Variants in PXDNL observed in about 807,000 individuals in gnomAD.
PXDNL encodes the protein peroxidasin like.
In PXDNL, 145 loss-of-function variants were observed where a neutral mutation model predicts 150.8. That is an observed-to-expected ratio of 0.96 (90% confidence interval 0.84 to 1.10). The LOEUF is 1.10. PXDNL is among the 50% of genes least tolerant of loss of function. The pLI, the probability that PXDNL is intolerant of heterozygous loss-of-function variation, is 0.00. For synonymous variants in PXDNL, 757 were observed against 725.7 expected, an observed-to-expected ratio of 1.04 and a Z score of -0.69; for missense variants, 2,087 against 1,873.9, an observed-to-expected ratio of 1.11 and a Z score of -2.10.
intron 2 of PXDNL, among the ~76,000 whole-genome samples, chr8:51,614,201 C>T (rs1814083224): frequency 6.6e-6 from 1 of 152,214 alleles, no homozygotes; most frequent in African/African-American, 2.4e-5. Context: ...AATTTATCTT[C>T]CATTACTCTA....
In PXDNL at chr8:51,341,019, T is replaced by C. The variant is rs1391812058; in HGVS notation, c.4017-1266A>G. On this transcript the variant is annotated intron_variant, in intron 20 of 22. Transcript: ENST00000356297. The stretch of plus-strand genomic sequence containing the variant: ...CGTGGGAACACGGGGAAGTGGCTGA[T>C]GTTGGTGAGCCCAGATGTTGTGGAG... Among the ~76,000 whole-genome samples the C allele has an allele frequency of 4.6e-5, 7 of 152,226 alleles. No individual in the cohort carries two copies. The East Asian group carries it at 9.6e-4, about 21-fold the overall frequency.
rs1807625884 is a variant in PXDNL at position 51,384,011 on chromosome 8, CAAAT to C, written c.3558-9284_3558-9281del. ...GCAGCAATGTATGGTGTTAATGAAA[CAAAT>C]AAAAATCCTTCCCCAAAACACAAAG... On this transcript the variant is annotated intron_variant, in intron 17 of 22. Transcript: ENST00000356297. Among the ~76,000 whole-genome samples, 5 of 152,198 alleles carry C rather than the reference CAAAT, an allele frequency of 3.3e-5. No homozygotes were observed. In the South Asian group the frequency reaches 8.3e-4, roughly 25 times the overall value.
intron 18 of PXDNL, among the ~76,000 whole-genome samples, chr8:51,374,032 C>T (rs1807217558): frequency 1.3e-5 from 2 of 152,136 alleles, no homozygotes; most frequent in South Asian, 4.1e-4. Context: ...TTTAGACAAA[C>T]CAAGAAATTT....
At chr8:51,744,119 AAAGG>A (rs56698204) in intron 1 of PXDNL, among the ~76,000 whole-genome samples, 1 of 35,988 alleles carries the variant, frequency 2.8e-5, no homozygotes, top group African/African-American at 5.7e-5. Flanking sequence ...AGAAAGAAAG[AAAGG>A]AAGAAAGAGA....
At chr8:51,333,787 G>T (rs532933419) in intron 21 of PXDNL, among the ~76,000 whole-genome samples, 1 of 152,246 alleles carries the variant, frequency 6.6e-6, no homozygotes, top group East Asian at 1.9e-4. Context: ...AAACATATAT[G>T]CACCTAACAC....
intron 1 of PXDNL, among the ~76,000 whole-genome samples, chr8:51,785,990 G>T (rs1201514014): frequency 6.6e-6 from 1 of 152,164 alleles, no homozygotes; most frequent in Non-Finnish European, 1.5e-5. Context: ...GGCTAGAGAA[G>T]AAAAGTTTGA....
intron 1 of PXDNL, among the ~76,000 whole-genome samples, chr8:51,738,578 A>C (rs1415421045): frequency 6.6e-6 from 1 of 151,974 alleles, no homozygotes; most frequent in African/African-American, 2.4e-5. Context: ...CACACACACA[A>C]GATACTCTAT....
intron 2 of PXDNL, among the ~76,000 whole-genome samples, chr8:51,630,620 G>A (rs1002403961): frequency 6.6e-6 from 1 of 151,946 alleles, no homozygotes; most frequent in African/African-American, 2.4e-5. Context: ...TAAAAAGTAG[G>A]CAAGGGACAT....
intron 17 of PXDNL, among the ~76,000 whole-genome samples, chr8:51,388,945 T>G (rs567149082): frequency 6.6e-6 from 1 of 152,330 alleles, no homozygotes; most frequent in South Asian, 2.1e-4. Context: ...TTTAACATGG[T>G]TTCTATTCAT....
At chr8:51,483,380 G>C (rs1380163996) in intron 6 of PXDNL, among the ~76,000 whole-genome samples, 1 of 152,194 alleles carries the variant, frequency 6.6e-6, no homozygotes, top group Non-Finnish European at 1.5e-5. Flanking sequence ...GATTTAGCCA[G>C]CAAGGATATT....
chr8:51,760,845 C>CTTTTTTCTTTTTTT (rs2037154726), intron 1 of PXDNL, among the ~76,000 whole-genome samples: 1 of 45,476 alleles, frequency 2.2e-5, no homozygotes, highest in Non-Finnish European at 3.8e-5. Flanking sequence ...ATCACTTAAA[C>CTTTTTTCTTTTTTT]TTTTTTTTTT....
chr8:51,738,561 G>A (rs1016247340), intron 1 of PXDNL, among the ~76,000 whole-genome samples: 15 of 149,452 alleles, frequency 1.0e-4, no homozygotes, highest in African/African-American at 3.2e-4. Flanking sequence ...GGAAACACAC[G>A]CACACACACA....
chr8:51,495,747 G>C (rs573018412), intron 5 of PXDNL, among the ~76,000 whole-genome samples: 4 of 152,234 alleles, frequency 2.6e-5, no homozygotes, highest in East Asian at 1.9e-4. Context: ...TTGAATCTCT[G>C]AATAGACCAA....
chr8:51,408,775 T>A lies in PXDNL; in HGVS notation c.2849A>T (p.Glu950Val). Residue 950 changes from glutamate (E) to valine (V), a missense_variant, in exon 17 of 23, where the codon GAG (glutamate) becomes GTG (valine). Transcript: ENST00000356297. ...GTCCCCGGCCAGGAAACAGGGGCTCTCCTGCTCCTGTCGCGCGCACTCGGT... is the reference window on the plus strand; with the variant it reads ...GTCCCCGGCCAGGAAACAGGGGCTCACCTGCTCCTGTCGCGCGCACTCGGT... ...PPTECARQEQESPCFLAGDHR... is the reference protein window; with the variant it reads ...PPTECARQEQVSPCFLAGDHR... 6.3e-7 allele frequency: 1 copy of A among 1,581,036 alleles called. No homozygotes were observed. Among genetic ancestry groups the A allele is most frequent in the Non-Finnish European group, 8.6e-7 (1 of 1,164,182 alleles).
intron 19 of PXDNL, among the ~76,000 whole-genome samples, chr8:51,351,863 T>G (rs1226553380): frequency 6.6e-6 from 1 of 152,100 alleles, no homozygotes; most frequent in African/African-American, 2.4e-5. Context: ...CAGAAAAATG[T>G]TATCTCCACA....
At chr8:51,534,476 G>A (rs1299413338) in intron 4 of PXDNL, among the ~76,000 whole-genome samples, 1 of 71,992 alleles carries the variant, frequency 1.4e-5, no homozygotes, top group Non-Finnish European at 2.4e-5. Context: ...GTCCGGGAGG[G>A]AGGTGGGGGG....
At chr8:51,609,148 A>C (rs1813942695) in intron 2 of PXDNL, among the ~76,000 whole-genome samples, 4 of 152,254 alleles carry the variant, frequency 2.6e-5, no homozygotes, top group African/African-American at 9.6e-5. Context: ...AGTATTTAAT[A>C]ACTCAAGGTC....
chr8:51,740,651 T>A lies in PXDNL; in HGVS notation c.164+68530A>T, dbSNP rs184897725. ...TCCTTTGAGAATTTTTCTATTCACG[T>A]CCTTTGCCCACTTTTTAATGGGGTT... On this transcript the variant is annotated intron_variant, in intron 1 of 22. Transcript: ENST00000356297. Among the ~76,000 whole-genome samples the A allele has an allele frequency of 2.4e-3, 368 of 152,348 alleles. 1 individual carries two copies. The highest frequency in any genetic ancestry group is 8.6e-3 in the African/African-American group (357 of 41,580).
intron 6 of PXDNL, among the ~76,000 whole-genome samples, chr8:51,482,946 G>T (rs2130167822): frequency 6.6e-6 from 1 of 152,290 alleles, no homozygotes; most frequent in African/African-American, 2.4e-5. Context: ...TGTGCTCTCT[G>T]ACTGACATCT....
Sources: gnomAD v4.1 joint callset for allele counts (sites outside exome capture counted in the v4.1 genomes callset) on GRCh38, gnomAD v4.1.1 for gene constraint, MANE v1.5 for transcripts, NCBI Gene and HGNC (gene_info 2026-07-23, HGNC 2026-07-21) for gene names.